Variants in CTNNA2 observed in about 807,000 individuals in gnomAD.
CTNNA2 encodes catenin alpha 2.
A neutral mutation model predicts 101.0 loss-of-function variants in CTNNA2; 42 were observed. The observed-to-expected ratio is 0.42, with a 90% CI of 0.32 to 0.54. The LOEUF is 0.54. Ranked by LOEUF, CTNNA2 falls within the 20% of genes least tolerant of loss-of-function variation. The probability of loss-of-function intolerance (pLI) is 0.14; values close to 1 mark genes in which losing one functional copy is unlikely to be tolerated. For synonymous variants in CTNNA2, 450 were observed against 456.4 expected (o/e 0.99, Z 0.18); for missense variants, 871 against 1,223.1 (o/e 0.71, Z 4.29).
At chr2:80,126,679 C>A (rs1032256052) in intron 7 of CTNNA2, among the ~76,000 whole-genome samples, 1 of 136,520 alleles carries the variant, frequency 7.3e-6, no homozygotes, top group Non-Finnish European at 1.5e-5. Flanking sequence ...TCACTCCCTC[C>A]CTTTCGTCTT....
chr2:79,539,952 A>T (rs552941607), intron 1 of CTNNA2, among the ~76,000 whole-genome samples: 1 of 152,292 alleles, frequency 6.6e-6, no homozygotes, highest in South Asian at 2.1e-4. Flanking sequence ...TGCATTAAGA[A>T]AACCTGGCTT....
At chr2:80,452,097 A>T (rs1208185887) in intron 9 of CTNNA2, among the ~76,000 whole-genome samples, 1 of 152,230 alleles carries the variant, frequency 6.6e-6, no homozygotes, top group Non-Finnish European at 1.5e-5. Context: ...GAACCTAGCA[A>T]CCATACCACA....
intron 7 of CTNNA2, among the ~76,000 whole-genome samples, chr2:80,208,069 G>A (rs1707639485): frequency 6.6e-6 from 1 of 152,204 alleles, no homozygotes; most frequent in South Asian, 2.1e-4. Context: ...TGTGTTTCCA[G>A]AAAATGTTTA....
intron 1 of CTNNA2, among the ~76,000 whole-genome samples, chr2:79,535,299 G>A (rs1672987324): frequency 6.6e-6 from 1 of 151,954 alleles, no homozygotes; most frequent in Admixed American, 6.6e-5. Flanking sequence ...CTGCCTCCTG[G>A]GTTCAAGTGA....
At chr2:79,436,341 G>A (rs945255166) in intron 4 of CTNNA2, among the ~76,000 whole-genome samples, 2 of 152,172 alleles carry the variant, frequency 1.3e-5, no homozygotes, top group African/African-American at 4.8e-5. Context: ...AGGTAAGCAG[G>A]CCCTTGAGGC....
At chr2:79,423,644 C>T (rs1337342386) in intron 4 of CTNNA2, among the ~76,000 whole-genome samples, 2 of 152,086 alleles carry the variant, frequency 1.3e-5, no homozygotes, top group South Asian at 2.1e-4. Flanking sequence ...ATAAACATCC[C>T]ACTTTATAGA....
At chr2:79,359,099 A>T (rs1211228638) in intron 3 of CTNNA2, among the ~76,000 whole-genome samples, 1 of 152,180 alleles carries the variant, frequency 6.6e-6, no homozygotes, top group East Asian at 1.9e-4. Flanking sequence ...GCTTTTGAGT[A>T]CAACATAAAA....
chr2:80,052,723 C>G (rs1253663427), intron 7 of CTNNA2, among the ~76,000 whole-genome samples: 1 of 152,174 alleles, frequency 6.6e-6, no homozygotes, highest in African/African-American at 2.4e-5. Context: ...CTTTGTTGAC[C>G]TAACTCCTCA....
At chr2:79,995,637 C>T (rs563760474) in intron 7 of CTNNA2, among the ~76,000 whole-genome samples, 7 of 152,056 alleles carry the variant, frequency 4.6e-5, no homozygotes, top group Admixed American at 4.6e-4. Context: ...ATAGTGAGAC[C>T]CCATTTCTAC....
intron 4 of CTNNA2, among the ~76,000 whole-genome samples, chr2:79,393,454 A>G (rs934605631): frequency 6.6e-6 from 1 of 152,014 alleles, no homozygotes; most frequent in African/African-American, 2.4e-5. Flanking sequence ...CTTCTCTCAC[A>G]CTACACTGGC....
intron 2 of CTNNA2, among the ~76,000 whole-genome samples, chr2:79,219,565 A>T (rs1172561385): frequency 6.6e-6 from 1 of 152,202 alleles, no homozygotes; most frequent in East Asian, 1.9e-4. Flanking sequence ...GCTTGTACGC[A>T]GGAATACCGC....
rs145707308 is a variant in CTNNA2 at position 79,526,261 on chromosome 2, C to T, written c.-6+13054C>T. Among the ~76,000 whole-genome samples the T allele has an allele frequency of 3.2e-3, 487 of 152,000 alleles. 3 individuals carry two copies. Among genetic ancestry groups the T allele is most frequent in the African/African-American group, 0.011 (468 of 41,526 alleles). On this transcript the variant is annotated intron_variant, in intron 1 of 18. Transcript: ENST00000402739. ...AATTATAAAACAATCTATACTGTTACTGTTTGCGTTTTACTCAAGAAAATG... is the reference window on the plus strand; with the variant it reads ...AATTATAAAACAATCTATACTGTTATTGTTTGCGTTTTACTCAAGAAAATG...
intron 12 of CTNNA2, among the ~76,000 whole-genome samples, chr2:80,569,878 G>A (rs952728861): frequency 2.0e-5 from 3 of 151,638 alleles, no homozygotes; most frequent in Non-Finnish European, 4.4e-5. Flanking sequence ...TCCTGACCTC[G>A]TGATCCACCC....
chr2:79,258,677 A>AG (rs1293803079), intron 2 of CTNNA2, among the ~76,000 whole-genome samples: 1 of 152,122 alleles, frequency 6.6e-6, no homozygotes, highest in Non-Finnish European at 1.5e-5. Context: ...ACCAGGAAGA[A>AG]GTGGCAGACT....
intron 7 of CTNNA2, among the ~76,000 whole-genome samples, chr2:80,133,139 G>GAC (rs950653984): frequency 6.6e-6 from 1 of 152,170 alleles, no homozygotes; most frequent in Non-Finnish European, 1.5e-5. Flanking sequence ...GCCATGTGAA[G>GAC]ACACAGTTGG....
At chr2:80,466,435 T>C (rs980046792) in intron 9 of CTNNA2, among the ~76,000 whole-genome samples, 1 of 152,252 alleles carries the variant, frequency 6.6e-6, no homozygotes, top group African/African-American at 2.4e-5. Flanking sequence ...TATGTGTTTC[T>C]GGACAGTTAT....
intron 9 of CTNNA2, among the ~76,000 whole-genome samples, chr2:80,535,427 G>A (rs1303536832): frequency 6.6e-6 from 1 of 152,066 alleles, no homozygotes; most frequent in Non-Finnish European, 1.5e-5. Context: ...ATTACTGGGT[G>A]CTGGGTTAAC....
chr2:80,122,908 C>T (rs1460189058), intron 7 of CTNNA2, among the ~76,000 whole-genome samples: 2 of 152,168 alleles, frequency 1.3e-5, no homozygotes, highest in East Asian at 3.9e-4. Flanking sequence ...AGCTTATCAC[C>T]TCCTGGAACC....
At chr2:80,488,888 TAC>T (rs1473764903) in intron 9 of CTNNA2, among the ~76,000 whole-genome samples, 1 of 152,148 alleles carries the variant, frequency 6.6e-6, no homozygotes, top group African/African-American at 2.4e-5. Context: ...CACTCTCTCA[TAC>T]ACACGTGCAT....
Sources: gnomAD v4.1 joint callset for allele counts (sites outside exome capture counted in the v4.1 genomes callset) on GRCh38, gnomAD v4.1.1 for gene constraint, MANE v1.5 for transcripts, NCBI Gene and HGNC (gene_info 2026-07-23, HGNC 2026-07-21) for gene names.